Variants in HIPK2 observed in about 807,000 individuals in gnomAD.
The protein encoded by HIPK2 is homeodomain interacting protein kinase 2, also known as homeodomain-interacting protein kinase 2.
Under a neutral mutation model 113.7 loss-of-function variants are expected in HIPK2, and 27 were observed. The ratio of observed to expected loss-of-function variants is 0.24; its 90% confidence interval spans 0.17 to 0.33. The LOEUF is 0.33. Among genes scored for constraint, HIPK2 ranks in the 10% least tolerant of loss-of-function variants. The pLI is 1.00. For missense variants in HIPK2, 1,257 were observed against 1,588.0 expected (o/e 0.79, Z 3.54); for synonymous variants, 631 against 642.2 (o/e 0.98, Z 0.26).
intron 11 of HIPK2, among the ~76,000 whole-genome samples, chr7:139,599,107 T>C (rs1219761766): frequency 6.6e-6 from 1 of 152,232 alleles, no homozygotes; most frequent in Non-Finnish European, 1.5e-5. Context: ...ACATTTTGTA[T>C]ACCAGATTTC....
chr7:139,710,800 C>T (rs1795040539), intron 2 of HIPK2, among the ~76,000 whole-genome samples: 2 of 152,138 alleles, frequency 1.3e-5, no homozygotes. Context: ...CACACTTCCC[C>T]CTTGCTGTTC....
At chr7:139,598,505 T>C (rs546889180) in intron 11 of HIPK2, among the ~76,000 whole-genome samples, 3 of 152,364 alleles carry the variant, frequency 2.0e-5, no homozygotes. Context: ...GTATCTCCAC[T>C]TGGCATTGTT....
At chr7:139,712,835 G>A (rs78169149) in intron 2 of HIPK2, among the ~76,000 whole-genome samples, 6,676 of 152,174 alleles carry the variant, frequency 0.044, 489 homozygotes, top group African/African-American at 0.15. Flanking sequence ...AAATCGGATC[G>A]ATCTATATGG....
In HIPK2 at chr7:139,614,280, T is replaced by C. The variant is rs1799941768; in HGVS notation, c.1990+6A>G. On this transcript the variant is annotated splice_donor_region_variant and intron_variant, in intron 8 of 14. Transcript: ENST00000406875. ...CAGGTGAGAGGCTGTGGCTGCTCAA[T>C]CTTACCTTGGAAGCCGGGGGGACAC... 6.7e-7 allele frequency: 1 copy of C among 1,483,786 alleles called. No individual in the cohort carries two copies. The highest frequency in any genetic ancestry group is 1.4e-5 in the South Asian group (1 of 73,736). The allele number at this position is 1,483,786 out of a possible 1,614,324, so 91.9% of individuals were successfully genotyped here.
chr7:139,656,720 C>T (rs1801682435), intron 2 of HIPK2, among the ~76,000 whole-genome samples: 1 of 152,178 alleles, frequency 6.6e-6, no homozygotes, highest in South Asian at 2.1e-4. Context: ...TCATAACATC[C>T]TCTTCTTTTA....
chr7:139,694,050 T>C (rs73469954), intron 2 of HIPK2, among the ~76,000 whole-genome samples: 12,186 of 152,210 alleles, frequency 0.08, 1,649 homozygotes, highest in African/African-American at 0.28. Flanking sequence ...AGCAGAAATA[T>C]ACTTTTTTTC....
intron 2 of HIPK2, among the ~76,000 whole-genome samples, chr7:139,713,677 C>T (rs773983255): frequency 3.3e-5 from 5 of 152,252 alleles, no homozygotes; most frequent in Non-Finnish European, 7.3e-5. Flanking sequence ...AGATGAACTA[C>T]ATAAAAGCCC....
Position 139,716,457 on chromosome 7 carries a change from C to G in HIPK2, c.578G>C (p.Cys193Ser). 1 of 1,613,978 alleles carries G rather than the reference C, an allele frequency of 6.2e-7. No individual in the cohort carries two copies. ...DYQLVQHEVLCSMTNTYEVLE... is the reference protein window; with the variant it reads ...DYQLVQHEVLSSMTNTYEVLE... ...GACCTCGTAGGTGTTGGTCATGGAGCACAGCACCTCATGCTGCACCAGCTG... is the reference window on the plus strand; with the variant it reads ...GACCTCGTAGGTGTTGGTCATGGAGGACAGCACCTCATGCTGCACCAGCTG... The change falls in exon 2 of 15, where the codon TGC becomes TCC. Residue 193 changes from cysteine to serine, a missense_variant. Physicochemically the swap from Cys to Ser is moderately radical, Grantham distance 112 (BLOSUM62 -1). Around this residue, in one of 5 missense-constraint regions of HIPK2, gnomAD observed 78 missense variants for 145.7 expected, o/e 0.54. Coordinates refer to ENST00000406875, the MANE Select transcript of HIPK2 (RefSeq NM_022740.5). The surrounding 1 kb of genome is among the most constrained non-coding windows in gnomAD (Gnocchi z 9.3).
At chr7:139,754,873 G>A (rs1306091761) in intron 1 of HIPK2, among the ~76,000 whole-genome samples, 3 of 152,084 alleles carry the variant, frequency 2.0e-5, no homozygotes, top group African/African-American at 7.2e-5. Context: ...CAGGTGATAC[G>A]GCTTCTTGGA....
At chr7:139,735,260 A>G (rs186049883) in intron 1 of HIPK2, among the ~76,000 whole-genome samples, 1 of 152,362 alleles carries the variant, frequency 6.6e-6, no homozygotes, top group Admixed American at 6.5e-5. Flanking sequence ...CAACTTTCTC[A>G]TCTCTTACTG....
At chr7:139,738,493 T>C (rs897677821) in intron 1 of HIPK2, among the ~76,000 whole-genome samples, 3 of 152,266 alleles carry the variant, frequency 2.0e-5, no homozygotes, top group Non-Finnish European at 4.4e-5. Context: ...TTGTGGCTAG[T>C]AGCTACCATT....
intron 1 of HIPK2, among the ~76,000 whole-genome samples, chr7:139,734,562 T>A (rs1433560758): frequency 6.6e-6 from 1 of 152,232 alleles, no homozygotes. Flanking sequence ...CCATGCTCCA[T>A]GACGCCACGG....
chr7:139,644,820 A>C (rs1415006791), intron 2 of HIPK2, among the ~76,000 whole-genome samples: 1 of 152,204 alleles, frequency 6.6e-6, no homozygotes, highest in Non-Finnish European at 1.5e-5. Context: ...TGGCGTCTTC[A>C]CTTTATTCAG....
chr7:139,570,080 T>C lies in HIPK2; in HGVS notation c.*2847A>G, dbSNP rs758189452. ...AATGAAAAGAACATTTTAAGCTGTC[T>C]TTCCCCCTAAAAGATCAGATCTAGA... On this transcript the variant is annotated 3_prime_UTR_variant, in exon 15 of 15. Transcript: ENST00000406875. The C allele has an allele frequency of 2.6e-5, 4 of 152,168 alleles. No homozygotes were observed. Among genetic ancestry groups the C allele is most frequent in the Non-Finnish European group, 5.9e-5 (4 of 68,046 alleles). 9.4% of individuals were successfully genotyped at this position (152,168 alleles called of 1,614,324 possible).
intron 9 of HIPK2, among the ~76,000 whole-genome samples, chr7:139,604,683 CAAAAAAAA>C (rs11353760): frequency 2.1e-5 from 1 of 48,770 alleles, no homozygotes; most frequent in Non-Finnish European, 3.7e-5. Context: ...GACTCCGTCT[CAAAAAAAA>C]AAAAAAAAAA....
intron 9 of HIPK2, among the ~76,000 whole-genome samples, chr7:139,606,936 A>T (rs993531429): frequency 6.6e-6 from 1 of 152,264 alleles, no homozygotes; most frequent in African/African-American, 2.4e-5. Context: ...AGAAAGAGGA[A>T]ACAAAAACAG....
chr7:139,631,135 T>C lies in HIPK2; in HGVS notation c.1347+30A>G, dbSNP rs563286442. 19 of 1,593,372 alleles carry C rather than the reference T, an allele frequency of 1.2e-5. No homozygotes were observed. Among genetic ancestry groups the C allele is most frequent in the East Asian group, 1.1e-4 (5 of 44,050 alleles). ...CCCTCTTCCCTAAGCGCTGGGCCACTGTGAGGAGTGGAGGAGACGCTCTTC... is the reference window on the plus strand; with the variant it reads ...CCCTCTTCCCTAAGCGCTGGGCCACCGTGAGGAGTGGAGGAGACGCTCTTC... On this transcript the variant is annotated intron_variant, in intron 4 of 14. Transcript: ENST00000406875. This position sits in a 1 kb window ranked among gnomAD's most constrained non-coding sequence, Gnocchi z 4.9.
chr7:139,740,173 C>T (rs1038093064), intron 1 of HIPK2, among the ~76,000 whole-genome samples: 3 of 152,322 alleles, frequency 2.0e-5, no homozygotes, highest in Middle Eastern at 3.4e-3. Flanking sequence ...CCAGGCAAAG[C>T]GCACAGAAGG....
chr7:139,646,016 A>ACAAAC lies in HIPK2; in HGVS notation c.1104-14296_1104-14292dup, dbSNP rs375454286. Among the ~76,000 whole-genome samples, 326 of 152,324 alleles carry ACAAAC rather than the reference A, an allele frequency of 2.1e-3. 1 individual carries two copies. The highest frequency in any genetic ancestry group is 7.1e-3 in the African/African-American group (297 of 41,566). ...CTTTTCTTAAAGGAGCTGAAAAAGA[A>ACAAAC]CAAACCAAACCAAACCAAACCAAAG... On this transcript the variant is annotated intron_variant, in intron 2 of 14. Transcript: ENST00000406875.
Sources: allele counts gnomAD v4.1 joint callset (sites outside exome capture counted in the v4.1 genomes callset), GRCh38; gene constraint gnomAD v4.1.1; regional missense constraint gnomAD v4.1.1; non-coding constraint Gnocchi (gnomAD v3.1); transcripts MANE v1.5; gene names NCBI Gene and HGNC (gene_info 2026-07-23, HGNC 2026-07-21).